PAX2: variants seen among roughly 807,000 people sequenced by gnomAD.
The protein encoded by PAX2 is paired box 2.
PAX2 carries 9 observed loss-of-function variants against 41.7 expected under a neutral mutation model. The observed-to-expected ratio is 0.22, with a 90% confidence interval of 0.13 to 0.38. PAX2 has a LOEUF of 0.38. Ranked by LOEUF, PAX2 falls within the 10% of genes least tolerant of loss-of-function variation. PAX2 has a pLI of 1.00. For missense variants in PAX2, 418 were observed against 531.6 expected, an observed-to-expected ratio of 0.79 and a Z score of 2.10; for synonymous variants, 221 against 212.7, an observed-to-expected ratio of 1.04 and a Z score of -0.34.
rs3978747 is a variant in PAX2 at position 100,805,023 on chromosome 10, T to TACACACACAC, written c.617-1364_617-1355dup. Reference sequence around the variant, plus strand: ...CTTCTCTCTCTCTCTCTCTCTCACATACACACACACACACACACACACACA... The same window carrying TACACACACAC: ...CTTCTCTCTCTCTCTCTCTCTCACATACACACACACACACACACACACACACACACACACA... On this transcript the variant is annotated intron_variant, in intron 5 of 9. Transcript: ENST00000355243. Among the ~76,000 whole-genome samples, 3 of 95,020 alleles carry TACACACACAC rather than the reference T, an allele frequency of 3.2e-5. No homozygotes were observed. The East Asian group carries it at 9.9e-4, about 31-fold the overall frequency. 62.3% of individuals were successfully genotyped at this position (95,020 alleles called of 152,430 possible). A position where few individuals can be genotyped will look rare whatever the true frequency, so the allele number is the denominator to read the frequency against.
chr10:100,751,642 T>C (rs1779207625), intron 3 of PAX2, among the ~76,000 whole-genome samples: 1 of 152,098 alleles, frequency 6.6e-6, no homozygotes, highest in Admixed American at 6.5e-5. Flanking sequence ...ACGTGTAGGA[T>C]ATTTAGGTCT....
chr10:100,788,933 T>G (rs1846987657), intron 5 of PAX2, among the ~76,000 whole-genome samples: 1 of 151,974 alleles, frequency 6.6e-6, no homozygotes, highest in African/African-American at 2.4e-5. Flanking sequence ...TCCGACTCTT[T>G]TGCTAGAGAA....
At chr10:100,759,657 G>A (rs996994288) in intron 3 of PAX2, among the ~76,000 whole-genome samples, 10 of 152,208 alleles carry the variant, frequency 6.6e-5, no homozygotes, top group South Asian at 4.1e-4. Context: ...GGACAGGACC[G>A]GTGGCTCCTG....
At chr10:100,744,997 A>C (rs1845098124), upstream of PAX2, among the ~76,000 whole-genome samples, 1 of 151,418 alleles carries the variant, frequency 6.6e-6, no homozygotes, top group Admixed American at 6.6e-5. Context: ...GGGAAGGACC[A>C]GAAAGAGAGG....
chr10:100,752,821 G>C (rs1259971409), intron 3 of PAX2, among the ~76,000 whole-genome samples: 1 of 152,210 alleles, frequency 6.6e-6, no homozygotes, highest in Non-Finnish European at 1.5e-5. Flanking sequence ...TTGGAAGCTG[G>C]CTTAGGCATA....
At chr10:100,795,163 G>A (rs1847276301) in intron 5 of PAX2, among the ~76,000 whole-genome samples, 1 of 152,152 alleles carries the variant, frequency 6.6e-6, no homozygotes, top group South Asian at 2.1e-4. Flanking sequence ...GAGATTCTTG[G>A]TTAAATGTTA....
chr10:100,762,171 C>T (rs1404021762), intron 3 of PAX2, among the ~76,000 whole-genome samples: 1 of 151,066 alleles, frequency 6.6e-6, no homozygotes, highest in Non-Finnish European at 1.5e-5. Context: ...TGAGACCAGA[C>T]TAGGCAACAG....
At chr10:100,821,324 C>T (rs1848374116) in intron 7 of PAX2, among the ~76,000 whole-genome samples, 3 of 152,192 alleles carry the variant, frequency 2.0e-5, no homozygotes, top group Admixed American at 2.0e-4. Flanking sequence ...TTTGCTGGCT[C>T]AGGGGTCCTG....
At chr10:100,761,136 G>T (rs983852899) in intron 3 of PAX2, among the ~76,000 whole-genome samples, 3 of 152,054 alleles carry the variant, frequency 2.0e-5, no homozygotes, top group Admixed American at 1.3e-4. Flanking sequence ...GATATGCCTC[G>T]CTAAGTCCTA....
At position 100,740,109 on chromosome 10, in the gene PAX2, G is replaced by C. The variant is rs60060035; in HGVS notation, c.25+4376G>C. On this transcript the variant is annotated intron_variant, in intron 1 of 9. Coordinates refer to the PAX2 transcript ENST00000679374. ...CCGCTCTGGCTTTGACTGATTAACT[G>C]CAGGTCCTGGGAGAACCAACTTTCT... Among the ~76,000 whole-genome samples the C allele has an allele frequency of 5.6e-3, 851 of 152,328 alleles. 12 individuals are homozygous for C. Among genetic ancestry groups the C allele is most frequent in the African/African-American group, 0.019 (806 of 41,566 alleles).
chr10:100,765,598 A>C (rs1018586568), intron 3 of PAX2, among the ~76,000 whole-genome samples: 3 of 152,234 alleles, frequency 2.0e-5, no homozygotes, highest in Admixed American at 6.5e-5. Context: ...TTTTTCTTGT[A>C]GTACGAAACA....
rs115675473 is a variant in PAX2 at position 100,824,181 on chromosome 10, A to G, written c.920-467A>G. 4.9e-3 allele frequency among the ~76,000 whole-genome samples: 744 copies of G among 152,212 alleles called. 5 individuals carry two copies. Among genetic ancestry groups the G allele is most frequent in the African/African-American group, 0.017 (708 of 41,514 alleles). On this transcript the variant is annotated intron_variant, in intron 7 of 9. Transcript: ENST00000355243. This position sits in a 1 kb window ranked among gnomAD's most constrained non-coding sequence, Gnocchi z 6.6. The stretch of plus-strand genomic sequence containing the variant: ...GATGGTGGGGTGTCCTCCAAGCCTG[A>G]AGGAAAGATGGGGTGTTAGGGAGAG...
At chr10:100,772,373 C>T (rs1470561127) in intron 3 of PAX2, among the ~76,000 whole-genome samples, 3 of 152,072 alleles carry the variant, frequency 2.0e-5, no homozygotes, top group South Asian at 2.1e-4. Flanking sequence ...AGGCTGGTCT[C>T]GAACTCCTGA....
At chr10:100,816,790 C>T (rs113816472) in intron 7 of PAX2, among the ~76,000 whole-genome samples, 104 of 152,176 alleles carry the variant, frequency 6.8e-4, no homozygotes, top group African/African-American at 2.2e-3. Context: ...CAGCCTGAAT[C>T]CTCCCCTCTT....
chr10:100,801,433 C>T (rs11812391), intron 5 of PAX2, among the ~76,000 whole-genome samples: 9,492 of 152,234 alleles, frequency 0.062, 400 homozygotes, highest in African/African-American at 0.11. Context: ...TTTGTTTAAT[C>T]GAATTAATTT....
At chr10:100,756,251 C>T (rs139081081) in intron 3 of PAX2, among the ~76,000 whole-genome samples, 1 of 151,980 alleles carries the variant, frequency 6.6e-6, no homozygotes, top group Non-Finnish European at 1.5e-5. Flanking sequence ...TCCCAGTCTT[C>T]TTAGCAGGAC....
At chr10:100,800,595 TACC>T (rs1281496053) in intron 5 of PAX2, among the ~76,000 whole-genome samples, 1 of 152,178 alleles carries the variant, frequency 6.6e-6, no homozygotes, top group South Asian at 2.1e-4. Flanking sequence ...TTTTATCTAT[TACC>T]ACCACCCCCA....
At chr10:100,760,620 C>T (rs1244574904) in intron 3 of PAX2, among the ~76,000 whole-genome samples, 7 of 152,162 alleles carry the variant, frequency 4.6e-5, no homozygotes, top group Non-Finnish European at 7.3e-5. Context: ...TGTCTGCTGA[C>T]GTCCTCAAAG....
chr10:100,761,356 CTTTTCTT>C, intron 3 of PAX2, among the ~76,000 whole-genome samples: 1 of 152,166 alleles, frequency 6.6e-6, no homozygotes, highest in Non-Finnish European at 1.5e-5. Flanking sequence ...AGCACATACA[CTTTTCTT>C]TTTCCCCACC....
Sources: allele counts gnomAD v4.1 joint callset (sites outside exome capture counted in the v4.1 genomes callset), GRCh38; gene constraint gnomAD v4.1.1; non-coding constraint Gnocchi (gnomAD v3.1); transcripts MANE v1.5; gene names NCBI Gene and HGNC (gene_info 2026-07-23, HGNC 2026-07-21).